Variants in UBE2G1 observed in about 807,000 individuals in gnomAD.
UBE2G1 encodes ubiquitin conjugating enzyme E2 G1, also known as ubiquitin-conjugating enzyme E2 G1.
In UBE2G1, 5 loss-of-function variants were observed where a neutral mutation model predicts 22.7. The observed-to-expected ratio is 0.22, with a 90% confidence interval of 0.12 to 0.46. UBE2G1 has a LOEUF of 0.46. Among genes scored for constraint, UBE2G1 ranks in the 20% least tolerant of loss-of-function variants. The pLI is 0.99. For synonymous variants in UBE2G1, 74 were observed against 67.5 expected (o/e 1.10, Z -0.47); for missense variants, 88 against 203.9 (o/e 0.43, Z 3.46).
chr17:4,364,841 C>G (rs1970014311), intron 1 of UBE2G1, among the ~76,000 whole-genome samples: 1 of 152,200 alleles, frequency 6.6e-6, no homozygotes, highest in African/African-American at 2.4e-5. Flanking sequence ...CTCGGCCTCC[C>G]GAAGTGCTGG....
Position 4,282,789 on chromosome 17 carries a change from T to C in UBE2G1, c.*37+9A>G. 6.5e-7 allele frequency: 1 copy of C among 1,546,900 alleles called. No individual in the cohort carries two copies. Among genetic ancestry groups the C allele is most frequent in the Non-Finnish European group, 8.8e-7 (1 of 1,135,446 alleles). ...AAAAACAAAAGTATGATATTTAAAA[T>C]AAACTTACCCTGAAATAAGTGAAGT... On this transcript the variant is annotated intron_variant, in intron 5 of 5. Transcript: ENST00000396981.
chr17:4,306,202 C>T (rs899246595), intron 2 of UBE2G1, among the ~76,000 whole-genome samples: 2 of 152,182 alleles, frequency 1.3e-5, no homozygotes, highest in African/African-American at 4.8e-5. Context: ...GAAAGTTCTC[C>T]TTAGCCTTCT....
At chr17:4,302,300 G>C in intron 2 of UBE2G1, 1 of 472,440 alleles carries the variant, frequency 2.1e-6, no homozygotes. Context: ...ACAGCATCTG[G>C]GTTCTGCGTG....
intron 2 of UBE2G1, among the ~76,000 whole-genome samples, chr17:4,304,026 TTTTG>T (rs527238878): frequency 6.6e-5 from 10 of 152,272 alleles, no homozygotes; most frequent in East Asian, 1.9e-4. Flanking sequence ...GACTTTCTGG[TTTTG>T]TTTGTTTGTT....
chr17:4,275,390 G>T (rs1479879864), intron 5 of UBE2G1, among the ~76,000 whole-genome samples: 4 of 152,080 alleles, frequency 2.6e-5, no homozygotes, highest in Non-Finnish European at 4.4e-5. Flanking sequence ...TATCCATTTC[G>T]CAGAATTTAT....
chr17:4,365,043 G>A (rs1315775624), intron 1 of UBE2G1, among the ~76,000 whole-genome samples: 1 of 152,184 alleles, frequency 6.6e-6, no homozygotes, highest in Non-Finnish European at 1.5e-5. Flanking sequence ...CAATCTGTAA[G>A]AACCCCTGAC....
intron 1 of UBE2G1, among the ~76,000 whole-genome samples, chr17:4,357,538 G>T (rs1969922326): frequency 7.3e-6 from 1 of 136,902 alleles, no homozygotes. Flanking sequence ...ATAACTCTAT[G>T]CAATTTTATC....
At chr17:4,350,862 C>T (rs575645358) in intron 1 of UBE2G1, among the ~76,000 whole-genome samples, 1 of 151,924 alleles carries the variant, frequency 6.6e-6, no homozygotes, top group Admixed American at 6.6e-5. Context: ...GAAACCCCGC[C>T]TCTACTAAAA....
At chr17:4,279,524 T>A (rs1465523674) in intron 5 of UBE2G1, among the ~76,000 whole-genome samples, 51 of 152,056 alleles carry the variant, frequency 3.4e-4, no homozygotes, top group Non-Finnish European at 2.9e-5. Flanking sequence ...CAAAACAGAT[T>A]TTTGGTGGTT....
intron 1 of UBE2G1, among the ~76,000 whole-genome samples, chr17:4,324,867 GGAGATC>G (rs1455877840): frequency 6.6e-6 from 1 of 152,038 alleles, no homozygotes; most frequent in Non-Finnish European, 1.5e-5. Flanking sequence ...CACGAGGTCA[GGAGATC>G]GAGACCATCC....
At chr17:4,364,571 A>G in intron 1 of UBE2G1, 1 of 149,586 alleles carries the variant, frequency 6.7e-6, no homozygotes. Flanking sequence ...TACAGGTGTG[A>G]GCCACCGCGC....
chr17:4,284,838 CTTTTTT>C (rs1176508350), intron 4 of UBE2G1, among the ~76,000 whole-genome samples: 5 of 22,316 alleles, frequency 2.2e-4, no homozygotes, highest in Non-Finnish European at 5.1e-4. Context: ...TCTTTTCTTT[CTTTTTT>C]TTTTTTTTTT....
chr17:4,279,785 TTATATATATATATATATATATATATA>T (rs71144177), intron 5 of UBE2G1, among the ~76,000 whole-genome samples: 849 of 68,878 alleles, frequency 0.012, 57 homozygotes, highest in African/African-American at 0.033. Context: ...CAAAAAAAAG[TTATATATATATATATATATATATATA>T]TATATATATA....
intron 1 of UBE2G1, among the ~76,000 whole-genome samples, chr17:4,315,693 T>C (rs1391521452): frequency 6.7e-6 from 1 of 148,262 alleles, no homozygotes; most frequent in Non-Finnish European, 1.5e-5. Context: ...TGAGCCGAGA[T>C]CGCGCCACTG....
chr17:4,313,570 T>C (rs1035821887), intron 1 of UBE2G1, among the ~76,000 whole-genome samples: 3 of 152,158 alleles, frequency 2.0e-5, no homozygotes, highest in Non-Finnish European at 4.4e-5. Flanking sequence ...CAAAAGTTTA[T>C]AGTTCTAAAG....
chr17:4,297,456 C>A (rs112704304), intron 2 of UBE2G1, among the ~76,000 whole-genome samples: 1 of 152,150 alleles, frequency 6.6e-6, no homozygotes, highest in African/African-American at 2.4e-5. Context: ...AATGTAGCCA[C>A]CAACCACTTG....
intron 1 of UBE2G1, among the ~76,000 whole-genome samples, chr17:4,355,079 A>G (rs1332061930): frequency 6.6e-6 from 1 of 152,030 alleles, no homozygotes; most frequent in Non-Finnish European, 1.5e-5. Context: ...ACAACAGAGC[A>G]AGACCCTGTC....
intron 1 of UBE2G1, among the ~76,000 whole-genome samples, chr17:4,351,247 A>T (rs1166630846): frequency 6.6e-6 from 1 of 152,170 alleles, no homozygotes; most frequent in African/African-American, 2.4e-5. Flanking sequence ...TCACTGTACT[A>T]TTCTCACAGT....
intron 3 of UBE2G1, among the ~76,000 whole-genome samples, chr17:4,291,530 T>C (rs1969041705): frequency 6.6e-6 from 1 of 152,154 alleles, no homozygotes; most frequent in South Asian, 2.1e-4. Flanking sequence ...GTGTACAGAA[T>C]TCTACCACCA....
Sources: allele counts gnomAD v4.1 joint callset (sites outside exome capture counted in the v4.1 genomes callset), GRCh38; gene constraint gnomAD v4.1.1; transcripts MANE v1.5; gene names NCBI Gene and HGNC (gene_info 2026-07-23, HGNC 2026-07-21).